Variants in GAA observed in about 807,000 individuals in gnomAD.
GAA encodes lysosomal alpha-glucosidase.
Under a neutral mutation model 103.9 loss-of-function variants are expected in GAA, and 88 were observed. The ratio of observed to expected loss-of-function variants is 0.85; its 90% CI spans 0.71 to 1.01. The LOEUF (loss-of-function observed/expected upper bound fraction) is 1.01, where lower values mean the gene tolerates loss of function less well. Among genes scored for constraint, GAA ranks in the 50% least tolerant of loss-of-function variants. The probability of loss-of-function intolerance (pLI) is 0.00; values close to 1 mark genes in which losing one functional copy is unlikely to be tolerated. For missense variants in GAA, 1,350 were observed against 1,305.3 expected (o/e 1.03, Z -0.53); for synonymous variants, 572 against 563.1 (o/e 1.02, Z -0.22).
chr17:80,116,999 G>A lies in GAA; in HGVS notation c.2221G>A (p.Asp741Asn), dbSNP rs755272974. The change falls in exon 16 of 20, where the codon GAC becomes AAC. Residue 741 changes from aspartate to asparagine, a missense_variant. Transcript: ENST00000302262. ...CAAGGACTCTAGCACCTGGACTGTG[G>A]ACCACCAGCTCCTGTGGGGGGAGGC... ...FPKDSSTWTV[D>N]HQLLWGEALL... is the part of the protein sequence containing the mutation. 5.6e-6 allele frequency: 9 copies of A among 1,613,636 alleles called. No individual in the cohort carries two copies. In the East Asian group the frequency reaches 6.7e-5, roughly 12 times the overall value.
At chr17:80,110,658 G>A in intron 9 of GAA, 69 bp from the exon 10 acceptor site, 1 of 1,372,060 alleles carries the variant, frequency 7.3e-7, no homozygotes. Flanking sequence ...TCAGGCTGAG[G>A]CTCAGTGGGG....
Position 80,118,656 on chromosome 17 carries a change from A to G in GAA, c.2650A>G (p.Thr884Ala). Residue 884 changes from threonine to alanine, a missense_variant, in exon 19 of 20, where the codon ACG (threonine) becomes GCG (alanine). Transcript: ENST00000302262. The part of the protein sequence containing the change: ...TQVIFLARNN[T>A]IVNELVRVTS... ...CATCTCTCTCTGCTCGGCCCAGAAC[A>G]CGATCGTGAATGAGCTGGTACGTGT... The G allele has an allele frequency of 6.2e-7, 1 of 1,611,778 alleles. No homozygotes were observed. The highest frequency in any genetic ancestry group is 8.5e-7 in the Non-Finnish European group (1 of 1,179,796).
chr17:80,111,009 C>A lies in GAA; in HGVS notation c.1620C>A (p.Asn540Lys). The change falls in exon 11 of 20, where the codon AAC (asparagine) becomes AAA (lysine). Residue 540 changes from asparagine to lysine, a missense_variant. Asn to Lys is a moderately conservative substitution (Grantham distance 94). Coordinates refer to ENST00000302262, the MANE Select transcript of GAA (RefSeq NM_000152.5). Reference sequence around the variant, plus strand: ...GCTGCCCCAACAATGAGCTGGAGAACCCACCCTACGTGCCTGGTCAGCTCG... The same window carrying A: ...GCTGCCCCAACAATGAGCTGGAGAAACCACCCTACGTGCCTGGTCAGCTCG... Reference protein sequence around the residue: ...EDGCPNNELENPPYVPGVVGG... With the variant: ...EDGCPNNELEKPPYVPGVVGG... 6.2e-7 allele frequency: 1 copy of A among 1,613,910 alleles called. No homozygotes were observed. The highest frequency in any genetic ancestry group is 8.5e-7 in the Non-Finnish European group (1 of 1,180,016).
rs2252455 is a variant in GAA, at chr17:80,107,908, G to A, written c.955+12G>A. The A allele has an allele frequency of 0.71, 1,130,504 of 1,594,892 alleles. 403,769 individuals carry two copies. The highest frequency in any genetic ancestry group is 0.8 in the Middle Eastern group (4,057 of 5,042). ...CAGCAATGCCATGGGTAAGCTGCCC[G>A]CCGCCCAGCGCCCGGGCCGGGGTCT... On this transcript the variant is annotated intron_variant, in intron 5 of 19. Transcript: ENST00000302262.
chr17:80,105,131 C>G lies in GAA; in HGVS notation c.545C>G (p.Thr182Arg), dbSNP rs200524747. 3.3e-5 allele frequency: 53 copies of G among 1,604,034 alleles called. No individual in the cohort carries two copies. Among genetic ancestry groups the G allele is most frequent in the Non-Finnish European group, 4.4e-5 (52 of 1,176,966 alleles). ...MMETENRLHF[T>R]IKDPANRRYE... ...GAGACTGAGAACCGCCTCCACTTCA[C>G]GGTGGGCAGGGCAGGGGCGGGGGCG... The change falls in exon 2 of 20, where the codon ACG (threonine) becomes AGG (arginine). Residue 182 changes from threonine (T) to arginine (R), a missense_variant and splice_region_variant. Coordinates refer to ENST00000302262, the MANE Select transcript of GAA (RefSeq NM_000152.5).
Position 80,118,344 on chromosome 17 carries a change from T to G in GAA, c.2633T>G (p.Phe878Cys). The change falls in exon 18 of 20, where the codon TTC (phenylalanine) becomes TGC (cysteine). Residue 878 changes from phenylalanine (F) to cysteine (C), a missense_variant. Phe to Cys is a radical substitution (Grantham distance 205, BLOSUM62 -2). Transcript: ENST00000302262. ...LERGAYTQVI[F>C]LARNNTIVNE... is the part of the protein sequence containing the mutation. ...CGAGGGGCCTACACACAGGTCATCT[T>G]CCTGGCCAGGAATGTGAGTCCTGGG... 6.4e-7 allele frequency: 1 copy of G among 1,564,096 alleles called. No individual in the cohort carries two copies. The highest frequency in any genetic ancestry group is 8.7e-7 in the Non-Finnish European group (1 of 1,153,364).
Position 80,104,642 on chromosome 17 carries a change from T to C in GAA, c.56T>C (p.Val19Ala). 1 of 1,613,218 alleles carries C rather than the reference T, an allele frequency of 6.2e-7. No individual in the cohort carries two copies. The highest frequency in any genetic ancestry group is 2.2e-5 in the East Asian group (1 of 44,876). The change falls in exon 2 of 20, where the codon GTG (valine) becomes GCG (alanine). Residue 19 changes from valine (V) to alanine (A), a missense_variant. By Grantham distance (64) the Val-to-Ala change is moderately conservative. Transcript: ENST00000302262. This position sits in a 1 kb window ranked among gnomAD's most constrained non-coding sequence, Gnocchi z 4.0. Reference protein sequence around the residue: ...SHRLLAVCALVSLATAALLGH... With the variant: ...SHRLLAVCALASLATAALLGH... ...CGGCTCCTGGCCGTCTGCGCCCTCGTGTCCTTGGCAACCGCTGCACTCCTG... is the reference window on the plus strand; with the variant it reads ...CGGCTCCTGGCCGTCTGCGCCCTCGCGTCCTTGGCAACCGCTGCACTCCTG...
rs146762316 is a variant in GAA, at chr17:80,113,333, C to T, written c.2156C>T (p.Ala719Val). ...LYTLFHQAHV[A>V]GETVARPLFL... ...ACACTGTTCCACCAGGCCCACGTCG[C>T]GGGGGAGACCGTGGCCCGGCCCCTC... is the stretch of plus-strand genomic sequence containing the variant. The change falls in exon 15 of 20, where the codon GCG (alanine) becomes GTG (valine). Residue 719 changes from alanine to valine, a missense_variant. Ala to Val is a moderately conservative substitution (Grantham distance 64, BLOSUM62 0). Transcript: ENST00000302262. 7.5e-6 allele frequency: 12 copies of T among 1,594,338 alleles called. No individual in the cohort carries two copies. The highest frequency in any genetic ancestry group is 1.7e-5 in the Admixed American group (1 of 57,866).
Position 80,112,622 on chromosome 17 carries a change from G to C in GAA, c.1799G>C (p.Arg600Pro), listed in dbSNP as rs377544304. 1 of 1,612,886 alleles carries C rather than the reference G, an allele frequency of 6.2e-7. No homozygotes were observed. The highest frequency in any genetic ancestry group is 1.3e-5 in the African/African-American group (1 of 74,946). Residue 600 changes from arginine (R) to proline (P), a missense_variant, in exon 13 of 20, where the codon CGC becomes CCC. Coordinates refer to ENST00000302262, the MANE Select transcript of GAA (RefSeq NM_000152.5). Reference sequence around the variant, plus strand: ...GGGACACGCCCATTTGTGATCTCCCGCTCGACCTTTGCTGGCCACGGCCGA... The same window carrying C: ...GGGACACGCCCATTTGTGATCTCCCCCTCGACCTTTGCTGGCCACGGCCGA... ...ARGTRPFVIS[R>P]STFAGHGRYA...
chr17:80,105,183 A>C, intron 2 of GAA, 51 bp downstream of exon 2: 1 of 1,524,040 alleles, frequency 6.6e-7, no homozygotes, highest in Non-Finnish European at 8.9e-7. Flanking sequence ...GTGCGCGTGG[A>C]CATCGACACC....
At chr17:80,112,758 C>A (rs1236863257) in intron 13 of GAA, 47 bp downstream of exon 13, 1 of 1,587,326 alleles carries the variant, frequency 6.3e-7, no homozygotes, top group Non-Finnish European at 8.6e-7. Context: ...GAGCCGGGGG[C>A]CTCTATGGGA....
At chr17:80,112,188 A>G (rs1206302413) in intron 12 of GAA, 88 bp downstream of exon 12, 2 of 1,357,954 alleles carry the variant, frequency 1.5e-6, no homozygotes, top group African/African-American at 2.9e-5. Flanking sequence ...GGGAGGAGGA[A>G]AAGCGGAGGC....
At position 80,105,096 on chromosome 17, in the gene GAA, C is replaced by T. The variant is rs564758226; in HGVS notation, c.510C>T (p.Asp170=). 4.8e-5 allele frequency: 77 copies of T among 1,611,606 alleles called. No homozygotes were observed. The highest frequency in any genetic ancestry group is 8.3e-5 in the Admixed American group (5 of 60,028). The change falls in exon 2 of 20, where the codon GAC becomes GAT. Residue 170 remains aspartate, a synonymous_variant. Coordinates refer to ENST00000302262, the MANE Select transcript of GAA (RefSeq NM_000152.5). ...FPKDILTLRL[D]VMMETENRLH... is the part of the protein sequence containing the mutation. Reference sequence around the variant, plus strand: ...AGGACATCCTGACCCTGCGGCTGGACGTGATGATGGAGACTGAGAACCGCC... The same window carrying T: ...AGGACATCCTGACCCTGCGGCTGGATGTGATGATGGAGACTGAGAACCGCC...
chr17:80,110,863 C>T (rs1183849001), intron 10 of GAA, 23 bp downstream of exon 10: 3 of 1,612,500 alleles, frequency 1.9e-6, no homozygotes, highest in Non-Finnish European at 2.5e-6. Context: ...CCCTCCTGAG[C>T]ATCCCCAAGG....
chr17:80,113,354 C>A lies in GAA; in HGVS notation c.2177C>A (p.Pro726His). The change falls in exon 15 of 20, where the codon CCC (proline) becomes CAC (histidine). Residue 726 changes from proline to histidine, a missense_variant. By Grantham distance (77) the Pro-to-His change is moderately conservative (BLOSUM62 -2). Transcript: ENST00000302262. ...AHVAGETVARPLFLEFPKDSS... is the reference protein window; with the variant it reads ...AHVAGETVARHLFLEFPKDSS... ...GTCGCGGGGGAGACCGTGGCCCGGC[C>A]CCTCTTCCTGGAGTGAGTGACCTAG... 6.3e-7 allele frequency: 1 copy of A among 1,582,672 alleles called. No individual in the cohort carries two copies. The highest frequency in any genetic ancestry group is 1.2e-5 in the South Asian group (1 of 86,752).
chr17:80,110,480 A>G (rs2039205615), intron 9 of GAA, among the ~76,000 whole-genome samples: 1 of 152,230 alleles, frequency 6.6e-6, no homozygotes, highest in African/African-American at 2.4e-5. Flanking sequence ...TCTGCAGCCC[A>G]GCCCCTGGGT....
At chr17:80,117,817 A>T (rs2039391594) in intron 17 of GAA, 68 bp downstream of exon 17, 1 of 1,501,180 alleles carries the variant, frequency 6.7e-7, no homozygotes, top group Admixed American at 2.1e-5. Context: ...AGGCACAGGG[A>T]GATGGTGGGG....
chr17:80,115,055 A>G (rs965006941), intron 15 of GAA, among the ~76,000 whole-genome samples: 1 of 152,096 alleles, frequency 6.6e-6, no homozygotes, highest in South Asian at 2.1e-4. Context: ...CTAGGTGTAG[A>G]TCTCTGAGTT....
At position 80,110,974 on chromosome 17, in the gene GAA, T is replaced by G. The variant is rs1598582021; in HGVS notation, c.1585T>G (p.Ser529Ala). The change falls in exon 11 of 20, where the codon TCT becomes GCT. Residue 529 changes from serine (S) to alanine (A), a missense_variant. Ser to Ala is a moderately conservative substitution (Grantham distance 99). Coordinates refer to ENST00000302262, the MANE Select transcript of GAA (RefSeq NM_000152.5). ...CGAGCCTTCCAACTTCATCAGGGGC[T>G]CTGAGGACGGCTGCCCCAACAATGA... is the stretch of plus-strand genomic sequence containing the variant. ...MNEPSNFIRG[S>A]EDGCPNNELE... The G allele has an allele frequency of 6.2e-7, 1 of 1,613,746 alleles. No individual in the cohort carries two copies. Among genetic ancestry groups the G allele is most frequent in the Non-Finnish European group, 8.5e-7 (1 of 1,179,966 alleles).
Sources: allele counts gnomAD v4.1 joint callset (sites outside exome capture counted in the v4.1 genomes callset), GRCh38; gene constraint gnomAD v4.1.1; non-coding constraint Gnocchi (gnomAD v3.1); transcripts MANE v1.5; gene names NCBI Gene and HGNC (gene_info 2026-07-23, HGNC 2026-07-21).